Variants in MGAT5 observed in about 807,000 individuals in gnomAD.
MGAT5 encodes the protein alpha-1,6-mannosylglycoprotein 6-beta-N-acetylglucosaminyltransferase A.
Under a neutral mutation model 94.3 loss-of-function variants are expected in MGAT5, and 30 were observed. The observed-to-expected ratio is 0.32, with a 90% confidence interval of 0.24 to 0.43. The LOEUF is 0.43. Among genes scored for constraint, MGAT5 ranks in the 20% least tolerant of loss-of-function variants. The probability of loss-of-function intolerance (pLI) is 1.00; values close to 1 mark genes in which losing one functional copy is unlikely to be tolerated. For missense variants in MGAT5, 691 were observed against 905.5 expected (o/e 0.76, Z 3.04); for synonymous variants, 310 against 322.9 (o/e 0.96, Z 0.43).
intron 1 of MGAT5, among the ~76,000 whole-genome samples, chr2:134,235,994 T>C (rs1681620190): frequency 6.6e-6 from 1 of 152,176 alleles, no homozygotes; most frequent in Non-Finnish European, 1.5e-5. Context: ...CATTCTGAAG[T>C]AGTGAAAACA....
At chr2:134,372,823 C>A (rs1680899239) in intron 10 of MGAT5, among the ~76,000 whole-genome samples, 1 of 152,244 alleles carries the variant, frequency 6.6e-6, no homozygotes, top group East Asian at 1.9e-4. Flanking sequence ...CAAATCACTG[C>A]AGCTGTGAGA....
intron 4 of MGAT5, among the ~76,000 whole-genome samples, chr2:134,324,668 A>G (rs2105925793): frequency 1.3e-5 from 2 of 152,236 alleles, no homozygotes; most frequent in South Asian, 4.2e-4. Flanking sequence ...GCACAGACTA[A>G]TTTGTCAAAG....
At chr2:134,194,951 C>A (rs1173417071) in intron 1 of MGAT5, among the ~76,000 whole-genome samples, 1 of 152,194 alleles carries the variant, frequency 6.6e-6, no homozygotes, top group African/African-American at 2.4e-5. Context: ...TTACTAATAT[C>A]TAGTCTTTTC....
chr2:134,167,030 G>A (rs1301137930), intron 1 of MGAT5, among the ~76,000 whole-genome samples: 2 of 152,178 alleles, frequency 1.3e-5, no homozygotes, highest in East Asian at 3.8e-4. Flanking sequence ...GGTAAGATGG[G>A]TCTCAAAGGA....
intron 1 of MGAT5, among the ~76,000 whole-genome samples, chr2:134,205,875 A>G (rs1680003303): frequency 6.6e-6 from 1 of 152,204 alleles, no homozygotes; most frequent in Admixed American, 6.5e-5. Flanking sequence ...GAGAAGGAGC[A>G]GTTCTATAAA....
At chr2:134,342,763 T>C (rs1573865236) in intron 7 of MGAT5, among the ~76,000 whole-genome samples, 1 of 151,498 alleles carries the variant, frequency 6.6e-6, no homozygotes, top group African/African-American at 2.4e-5. Flanking sequence ...ACAAAGTGGC[T>C]GCATTTATAC....
chr2:134,326,048 C>CTCTG (rs1687625444), intron 4 of MGAT5, among the ~76,000 whole-genome samples: 1 of 133,674 alleles, frequency 7.5e-6, no homozygotes, highest in Non-Finnish European at 1.5e-5. Flanking sequence ...TTCTCTCTCT[C>CTCTG]TCTCTTTTTT....
intron 12 of MGAT5, among the ~76,000 whole-genome samples, chr2:134,415,579 A>T (rs1683917437): frequency 6.6e-6 from 1 of 151,914 alleles, no homozygotes; most frequent in Non-Finnish European, 1.5e-5. Flanking sequence ...TTGCCTTTTC[A>T]CTCTATTGAT....
intron 1 of MGAT5, among the ~76,000 whole-genome samples, chr2:134,240,357 G>GTTTTTTTTTTTTTTTTTTTTT (rs11316083): frequency 1.4e-5 from 2 of 146,832 alleles, no homozygotes; most frequent in East Asian, 4.2e-4. Flanking sequence ...AAATGAAAGT[G>GTTTTTTTTTTTTTTTTTTTTT]TTTTTTTTTT....
rs79543799 is a variant in MGAT5 at position 134,233,770 on chromosome 2, C to G, written c.-142-20492C>G. ...GGTAGACATTTTACAGATAAGGAAA[C>G]TGGATCTTCATTTCTGTAACTTCAA... On this transcript the variant is annotated intron_variant, in intron 1 of 16. Coordinates refer to the MGAT5 transcript ENST00000409645. 3.0e-4 allele frequency among the ~76,000 whole-genome samples: 45 copies of G among 152,288 alleles called. 1 individual carries two copies. The East Asian group carries it at 7.9e-3, about 27-fold the overall frequency.
chr2:134,406,138 T>C (rs1683320687), intron 11 of MGAT5, among the ~76,000 whole-genome samples: 1 of 152,222 alleles, frequency 6.6e-6, no homozygotes, highest in Non-Finnish European at 1.5e-5. Context: ...AAGTGGCTTC[T>C]TTCTTCATCT....
At chr2:134,201,915 T>G (rs1679809257) in intron 1 of MGAT5, among the ~76,000 whole-genome samples, 2 of 149,746 alleles carry the variant, frequency 1.3e-5, no homozygotes, top group African/African-American at 2.5e-5. Flanking sequence ...CATGCTAATA[T>G]GTAGTTTGCT....
At chr2:134,260,702 C>CTTTTTTTTTTTTT (rs3838494) in intron 1 of MGAT5, among the ~76,000 whole-genome samples, 4 of 127,068 alleles carry the variant, frequency 3.1e-5, no homozygotes, top group Non-Finnish European at 5.2e-5. Flanking sequence ...TTTTCTTTTT[C>CTTTTTTTTTTTTT]TTTTTTTTTT....
intron 2 of MGAT5, among the ~76,000 whole-genome samples, chr2:134,296,623 C>A (rs1260977191): frequency 6.6e-6 from 1 of 151,966 alleles, no homozygotes; most frequent in Non-Finnish European, 1.5e-5. Context: ...AATAGAAAAT[C>A]TTTTTATACA....
intron 1 of MGAT5, among the ~76,000 whole-genome samples, chr2:134,189,592 G>GTTTTTTTTTGTTTTTTTT (rs1689221384): frequency 8.9e-5 from 5 of 56,296 alleles, no homozygotes; most frequent in East Asian, 4.8e-4. Context: ...CATGGCTCTA[G>GTTTTTTTTTGTTTTTTTT]TTTTTTTTTG....
intron 4 of MGAT5, among the ~76,000 whole-genome samples, chr2:134,320,735 T>G (rs1687264744): frequency 6.6e-6 from 1 of 152,210 alleles, no homozygotes; most frequent in Non-Finnish European, 1.5e-5. Flanking sequence ...ATAGTTTTCC[T>G]TTTGTGGGAT....
intron 2 of MGAT5, among the ~76,000 whole-genome samples, chr2:134,303,787 G>A (rs879368285): frequency 1.3e-5 from 2 of 152,134 alleles, no homozygotes; most frequent in Non-Finnish European, 2.9e-5. Flanking sequence ...TTGGGAATAT[G>A]CTACCTTAAT....
chr2:134,289,490 G>A (rs1277652620), intron 2 of MGAT5, among the ~76,000 whole-genome samples: 1 of 152,158 alleles, frequency 6.6e-6, no homozygotes, highest in Non-Finnish European at 1.5e-5. Flanking sequence ...GAGGGACTTT[G>A]GTGTGGTTGC....
chr2:134,263,245 A>G (rs548444726), intron 1 of MGAT5, among the ~76,000 whole-genome samples: 1 of 152,232 alleles, frequency 6.6e-6, no homozygotes, highest in South Asian at 2.1e-4. Context: ...AGCTGGCTAC[A>G]TGTTAGGAAA....
Sources: allele counts gnomAD v4.1 joint callset (sites outside exome capture counted in the v4.1 genomes callset), GRCh38; gene constraint gnomAD v4.1.1; transcripts MANE v1.5; gene names NCBI Gene and HGNC (gene_info 2026-07-23, HGNC 2026-07-21).